The following CNTN4 variants were observed in gnomAD, a reference collection of about 807,000 sequenced individuals.
CNTN4 encodes contactin-4.
Under a neutral mutation model 122.5 loss-of-function variants are expected in CNTN4, and 77 were observed. That is an observed-to-expected ratio of 0.63 (90% CI 0.52 to 0.76). The LOEUF (loss-of-function observed/expected upper bound fraction) is 0.76. Among genes scored for constraint, CNTN4 ranks in the 30% least tolerant of loss-of-function variants. The probability of loss-of-function intolerance (pLI) is 0.00; values close to 1 mark genes in which losing one functional copy is unlikely to be tolerated. For missense variants in CNTN4, 1,256 were observed against 1,259.1 expected, an observed-to-expected ratio of 1.00 and a Z score of 0.04; for synonymous variants, 512 against 447.0, an observed-to-expected ratio of 1.15 and a Z score of -1.83.
rs549182892 is a variant in CNTN4 at position 2,778,171 on chromosome 3, G to A, written c.358+32474G>A. Among the ~76,000 whole-genome samples, 23 of 139,950 alleles carry A rather than the reference G, an allele frequency of 1.6e-4. 1 individual carries two copies. Among genetic ancestry groups the A allele is most frequent in the Non-Finnish European group, 2.3e-4 (15 of 64,498 alleles). 91.8% of individuals were successfully genotyped at this position (139,950 alleles called of 152,430 possible). A position where few individuals can be genotyped will look rare whatever the true frequency, so the allele number is the denominator to read the frequency against. On this transcript the variant is annotated intron_variant, in intron 6 of 24. Coordinates refer to ENST00000418658, the MANE Select transcript of CNTN4 (RefSeq NM_175607.3). ...GGAGCTTGTGGTGAGCCGAGATCGCGCCACTGCACTCCAGCCTGGGCGACA... is the reference window on the plus strand; with the variant it reads ...GGAGCTTGTGGTGAGCCGAGATCGCACCACTGCACTCCAGCCTGGGCGACA...
chr3:2,834,243 C>G (rs12634307), intron 7 of CNTN4, among the ~76,000 whole-genome samples: 16,374 of 151,940 alleles, frequency 0.11, 1,341 homozygotes, highest in East Asian at 0.43. Flanking sequence ...GGGATATGTA[C>G]CATCTAAGTT....
chr3:2,542,054 A>G (rs910750870), intron 3 of CNTN4, among the ~76,000 whole-genome samples: 1 of 152,170 alleles, frequency 6.6e-6, no homozygotes, highest in Non-Finnish European at 1.5e-5. Flanking sequence ...CTCTGCAGGT[A>G]TCAATCTACC....
At chr3:2,825,589 T>G (rs1382747679) in intron 7 of CNTN4, among the ~76,000 whole-genome samples, 1 of 151,996 alleles carries the variant, frequency 6.6e-6, no homozygotes, top group African/African-American at 2.4e-5. Context: ...TTTGAGAGGA[T>G]GAGGTGGGAG....
intron 6 of CNTN4, among the ~76,000 whole-genome samples, chr3:2,763,768 G>A (rs1350752627): frequency 1.3e-5 from 2 of 152,106 alleles, no homozygotes; most frequent in Non-Finnish European, 2.9e-5. Flanking sequence ...GTTTTGTCAG[G>A]TTTGTTGAAG....
At chr3:2,189,808 C>A (rs2037441551) in intron 2 of CNTN4, among the ~76,000 whole-genome samples, 1 of 152,158 alleles carries the variant, frequency 6.6e-6, no homozygotes, top group African/African-American at 2.4e-5. Flanking sequence ...AACGAACTTT[C>A]AGTGAGTGAT....
At chr3:2,597,885 ATCTG>A (rs961935522) in intron 4 of CNTN4, among the ~76,000 whole-genome samples, 4 of 152,198 alleles carry the variant, frequency 2.6e-5, no homozygotes, top group African/African-American at 9.7e-5. Context: ...CATTTGAACA[ATCTG>A]TATGTAGGAG....
intron 13 of CNTN4, among the ~76,000 whole-genome samples, chr3:2,941,566 C>CTT (rs2094615626): frequency 6.6e-6 from 1 of 152,204 alleles, no homozygotes; most frequent in African/African-American, 2.4e-5. Flanking sequence ...ATTTTAAAAA[C>CTT]TTTACTTCCA....
intron 2 of CNTN4, among the ~76,000 whole-genome samples, chr3:2,334,761 G>C (rs1212988482): frequency 6.6e-6 from 1 of 152,124 alleles, no homozygotes; most frequent in Non-Finnish European, 1.5e-5. Flanking sequence ...ACCACTCTTT[G>C]GTCCCTCCTA....
At chr3:2,635,077 A>T (rs950991838) in intron 4 of CNTN4, among the ~76,000 whole-genome samples, 11 of 152,256 alleles carry the variant, frequency 7.2e-5, no homozygotes, top group South Asian at 4.1e-4. Flanking sequence ...GTAAGTTTTC[A>T]TCGAATTTTT....
chr3:2,628,615 T>C (rs577145486), intron 4 of CNTN4, among the ~76,000 whole-genome samples: 2 of 152,288 alleles, frequency 1.3e-5, no homozygotes, highest in East Asian at 1.9e-4. Flanking sequence ...GTTGCCTTTA[T>C]CCGTGTCGGT....
intron 2 of CNTN4, among the ~76,000 whole-genome samples, chr3:2,190,309 G>GTA (rs2037468476): frequency 6.6e-6 from 1 of 150,986 alleles, no homozygotes; most frequent in Admixed American, 6.6e-5. Context: ...TGACTTGTGT[G>GTA]TGTGTGTGTG....
At chr3:2,985,176 G>T (rs539314274) in intron 13 of CNTN4, 53 of 152,236 alleles carry the variant, frequency 3.5e-4, no homozygotes, top group African/African-American at 1.3e-3. Flanking sequence ...ATGAGAAGTT[G>T]GTAATCATCT....
chr3:2,594,905 C>G lies in CNTN4; in HGVS notation c.55+23347C>G, dbSNP rs374934563. Reference sequence around the variant, plus strand: ...TTGCATTATTTCTTGCCTCTGATCCCAATCTATTAGTGGAAAGAAGTGAGA... The same window carrying G: ...TTGCATTATTTCTTGCCTCTGATCCGAATCTATTAGTGGAAAGAAGTGAGA... On this transcript the variant is annotated intron_variant, in intron 4 of 24. Transcript: ENST00000418658. 2.2e-4 allele frequency among the ~76,000 whole-genome samples: 33 copies of G among 152,244 alleles called. 1 individual carries two copies. The highest frequency in any genetic ancestry group is 7.5e-4 in the African/African-American group (31 of 41,552).
At chr3:2,293,898 T>C (rs2150015688) in intron 2 of CNTN4, among the ~76,000 whole-genome samples, 1 of 152,330 alleles carries the variant, frequency 6.6e-6, no homozygotes, top group African/African-American at 2.4e-5. Context: ...GCCTAAATCA[T>C]TGGCCACTAA....
chr3:2,858,985 G>A (rs1053952929), intron 7 of CNTN4, among the ~76,000 whole-genome samples: 1 of 152,138 alleles, frequency 6.6e-6, no homozygotes. Context: ...TCACCATGTT[G>A]TACAATAGCT....
chr3:2,553,899 T>C (rs1286567527), intron 3 of CNTN4, among the ~76,000 whole-genome samples: 1 of 151,988 alleles, frequency 6.6e-6, no homozygotes, highest in Non-Finnish European at 1.5e-5. Context: ...GTAGACGAGT[T>C]AGTTTAACTG....
chr3:2,932,976 CTAT>C (rs1186097005), intron 13 of CNTN4, among the ~76,000 whole-genome samples: 1 of 152,080 alleles, frequency 6.6e-6, no homozygotes, highest in Non-Finnish European at 1.5e-5. Context: ...GCACCCACCA[CTAT>C]GCCCGGCTAA....
chr3:2,945,600 AG>A (rs1382955036), intron 13 of CNTN4, among the ~76,000 whole-genome samples: 7 of 152,166 alleles, frequency 4.6e-5, no homozygotes, highest in African/African-American at 1.7e-4. Context: ...CATTTGAGGA[AG>A]GAAAGAAGGG....
intron 4 of CNTN4, among the ~76,000 whole-genome samples, chr3:2,573,316 C>G (rs1049530603): frequency 6.6e-6 from 1 of 152,174 alleles, no homozygotes; most frequent in Non-Finnish European, 1.5e-5. Context: ...TTCACGTCTT[C>G]CCCGCTGCAT....
Sources: allele counts gnomAD v4.1 joint callset (sites outside exome capture counted in the v4.1 genomes callset), GRCh38; gene constraint gnomAD v4.1.1; transcripts MANE v1.5; gene names NCBI Gene and HGNC (gene_info 2026-07-23, HGNC 2026-07-21).